Variants in CLEC16A observed in about 807,000 individuals in gnomAD.
CLEC16A encodes protein CLEC16A.
Under a neutral mutation model 109.5 loss-of-function variants are expected in CLEC16A, and 51 were observed. The observed-to-expected ratio is 0.47, with a 90% CI of 0.37 to 0.59. The LOEUF (loss-of-function observed/expected upper bound fraction) is 0.59, where lower values mean the gene tolerates loss of function less well. CLEC16A is among the 20% of genes least tolerant of loss of function. The pLI, the probability that CLEC16A is intolerant of heterozygous loss-of-function variation, is 0.00. For synonymous variants in CLEC16A, 673 were observed against 564.2 expected, an observed-to-expected ratio of 1.19 and a Z score of -2.73; for missense variants, 1,339 against 1,394.0, an observed-to-expected ratio of 0.96 and a Z score of 0.63.
At chr16:11,065,140 C>G (rs2048694229) in intron 19 of CLEC16A, among the ~76,000 whole-genome samples, 1 of 152,198 alleles carries the variant, frequency 6.6e-6, no homozygotes, top group Non-Finnish European at 1.5e-5. Flanking sequence ...CAGTGTGCCT[C>G]CTGAACAGGG....
chr16:11,062,556 T>G (rs1001363899), intron 19 of CLEC16A, among the ~76,000 whole-genome samples: 6 of 152,230 alleles, frequency 3.9e-5, no homozygotes, highest in African/African-American at 9.6e-5. Context: ...CGTGTAACTG[T>G]ACTCAGCAAA....
At chr16:10,955,552 T>G (rs1378152703) in intron 1 of CLEC16A, among the ~76,000 whole-genome samples, 2 of 152,166 alleles carry the variant, frequency 1.3e-5, no homozygotes, top group Non-Finnish European at 2.9e-5. Context: ...AATGTAAAAG[T>G]TTGCTGGATG....
intron 13 of CLEC16A, chr16:11,027,100 T>C: frequency 1.3e-6 from 2 of 1,535,358 alleles, no homozygotes; most frequent in Non-Finnish European, 1.8e-6. Context: ...TATCAGGCAC[T>C]CAAAGCCACC....
intron 22 of CLEC16A, chr16:11,136,310 G>T (rs962253314): frequency 6.6e-6 from 1 of 152,226 alleles, no homozygotes; most frequent in African/African-American, 2.4e-5. Flanking sequence ...GGTAGATTCT[G>T]TTATGTGTAC....
intron 4 of CLEC16A, 114 bp downstream of exon 4, chr16:10,969,423 T>G: frequency 1.4e-6 from 1 of 693,340 alleles, no homozygotes; most frequent in Non-Finnish European, 2.2e-6. Flanking sequence ...TACAAAGCTC[T>G]TATATGCTTG....
chr16:10,948,135 T>C lies in CLEC16A; in HGVS notation c.80+3338T>C, dbSNP rs542628725. Among the ~76,000 whole-genome samples the C allele has an allele frequency of 1.1e-3, 166 of 152,330 alleles. 1 individual carries two copies. Among genetic ancestry groups the C allele is most frequent in the South Asian group, 2.3e-3 (11 of 4,830 alleles). On this transcript the variant is annotated intron_variant, in intron 1 of 23. Transcript: ENST00000409790. ...GTCTCGATCTCCTGACCTTGTGATC[T>C]GCCCTCCTTGACCTCCCAAAGTGCT...
At chr16:11,150,449 G>A (rs1023153966) in intron 22 of CLEC16A, 3 of 152,284 alleles carry the variant, frequency 2.0e-5, no homozygotes, top group African/African-American at 7.2e-5. Flanking sequence ...CTTTGGCTGA[G>A]TGATTCAGTC....
At chr16:10,948,901 A>G (rs888516731) in intron 1 of CLEC16A, among the ~76,000 whole-genome samples, 2 of 152,150 alleles carry the variant, frequency 1.3e-5, no homozygotes. Flanking sequence ...TTCTTTTCTC[A>G]ATATTGCCAG....
chr16:11,011,624 T>G (rs563054157), intron 11 of CLEC16A, among the ~76,000 whole-genome samples: 2 of 152,312 alleles, frequency 1.3e-5, no homozygotes, highest in South Asian at 4.1e-4. Context: ...AGGCCAAGAT[T>G]TGGGCACTGG....
intron 22 of CLEC16A, chr16:11,156,589 C>A: frequency 7.7e-7 from 1 of 1,304,208 alleles, no homozygotes; most frequent in South Asian, 1.2e-5. Flanking sequence ...CTGACTGCCG[C>A]AGTAGAGAGG....
At chr16:11,089,218 A>C (rs2050174344) in intron 19 of CLEC16A, among the ~76,000 whole-genome samples, 1 of 152,238 alleles carries the variant, frequency 6.6e-6, no homozygotes, top group Non-Finnish European at 1.5e-5. Flanking sequence ...CAGTAGCAGT[A>C]GTTTTTACAT....
chr16:11,124,033 C>T (rs747558166), intron 21 of CLEC16A, 87 bp downstream of exon 21: 1 of 1,200,770 alleles, frequency 8.3e-7, no homozygotes, highest in Non-Finnish European at 1.2e-6. Context: ...TTGAGAACCC[C>T]CATAGCATAG....
intron 23 of CLEC16A, among the ~76,000 whole-genome samples, chr16:11,171,318 G>A (rs2068503284): frequency 3.3e-5 from 5 of 152,212 alleles, no homozygotes; most frequent in Admixed American, 2.0e-4. Flanking sequence ...CACGCCAGAG[G>A]CAGAGCTATG....
chr16:10,965,795 A>G (rs1000946524), intron 3 of CLEC16A, among the ~76,000 whole-genome samples: 2 of 152,224 alleles, frequency 1.3e-5, no homozygotes, highest in Non-Finnish European at 2.9e-5. Flanking sequence ...AGGCACCTCC[A>G]ACTGTCCTAT....
At chr16:11,103,449 G>T (rs371966451) in intron 19 of CLEC16A, among the ~76,000 whole-genome samples, 3 of 152,254 alleles carry the variant, frequency 2.0e-5, no homozygotes, top group South Asian at 2.1e-4. Context: ...GCGTGGTGGC[G>T]CATGCCTGTT....
rs531798281 is a variant in CLEC16A at position 10,949,100 on chromosome 16, C to A, written c.80+4303C>A. ...AAAAGAATGAGAGAAAAGAGTGGTT[C>A]CCCATGGGAGAATCAGGGGTTATTG... On this transcript the variant is annotated intron_variant, in intron 1 of 23. Transcript: ENST00000409790. Among the ~76,000 whole-genome samples, 25 of 152,224 alleles carry A rather than the reference C, an allele frequency of 1.6e-4. No individual in the cohort carries two copies. In the South Asian group the frequency reaches 5.2e-3, roughly 32 times the overall value.
intron 19 of CLEC16A, among the ~76,000 whole-genome samples, chr16:11,106,006 A>G (rs1431960787): frequency 6.6e-6 from 1 of 152,168 alleles, no homozygotes; most frequent in Non-Finnish European, 1.5e-5. Context: ...TCAACTTGGG[A>G]ACAAAATGGA....
At chr16:11,033,949 T>G (rs552047151) in intron 13 of CLEC16A, among the ~76,000 whole-genome samples, 1 of 152,114 alleles carries the variant, frequency 6.6e-6, no homozygotes, top group South Asian at 2.1e-4. Context: ...TGGGGGTGAG[T>G]TTTACAGCTT....
At chr16:10,950,810 G>A (rs150487631) in intron 1 of CLEC16A, among the ~76,000 whole-genome samples, 1 of 152,310 alleles carries the variant, frequency 6.6e-6, no homozygotes, top group South Asian at 2.1e-4. Context: ...ATTTGGAGCT[G>A]TGTGGACATT....
Sources: allele counts gnomAD v4.1 joint callset (sites outside exome capture counted in the v4.1 genomes callset), GRCh38; gene constraint gnomAD v4.1.1; transcripts MANE v1.5; gene names NCBI Gene and HGNC (gene_info 2026-07-23, HGNC 2026-07-21).